OFD1: variants seen among roughly 807,000 people sequenced by gnomAD.
OFD1 encodes the protein OFD1 centriole and centriolar satellite protein.
A neutral mutation model predicts 81.4 loss-of-function variants in OFD1; 12 were observed. The observed-to-expected ratio is 0.15, with a 90% CI of 0.09 to 0.24. The LOEUF (loss-of-function observed/expected upper bound fraction) is 0.24. Ranked by LOEUF, OFD1 falls within the 10% of genes least tolerant of loss-of-function variation. The pLI is 1.00. For synonymous variants in OFD1, 256 were observed against 263.7 expected (o/e 0.97, Z 0.28); for missense variants, 685 against 733.9 (o/e 0.93, Z 0.77).
At chrX:13,762,249 A>T in intron 17 of OFD1, 95 bp from the exon 18 acceptor site, 2 of 570,383 alleles carry the variant, frequency 3.5e-6, no homozygotes, top group Non-Finnish European at 6.2e-6. Context: ...GGAATTTTGT[A>T]GAGCCTTTTC....
the OFD1 span, among the ~76,000 whole-genome samples, chrX:13,725,286 A>C: frequency 1.8e-5 from 2 of 112,890 alleles, no homozygotes; most frequent in Middle Eastern, 4.2e-3. Flanking sequence ...GAACGGACAG[A>C]CTGCCTCCTC....
chrX:13,721,330 C>T, the OFD1 span: 2 of 112,205 alleles, frequency 1.8e-5, no homozygotes, highest in Admixed American at 1.9e-4. Context: ...ACTGTAGCAC[C>T]TTATGGTGCA....
intron 6 of OFD1, among the ~76,000 whole-genome samples, chrX:13,745,722 T>C (rs1311476900): frequency 8.9e-6 from 1 of 112,276 alleles, no homozygotes; most frequent in African/African-American, 3.2e-5. Flanking sequence ...CACTTTGCTA[T>C]GTGGTTGATT....
At chrX:13,733,292 C>T (rs2046719857), upstream of OFD1, among the ~76,000 whole-genome samples, 1 of 111,699 alleles carries the variant, frequency 9.0e-6, no homozygotes, top group Admixed American at 9.5e-5. Flanking sequence ...TCAAGATTCC[C>T]ACATTGCTCC....
the OFD1 span, among the ~76,000 whole-genome samples, chrX:13,724,777 G>A: frequency 3.0e-4 from 34 of 112,678 alleles, no homozygotes; most frequent in Non-Finnish European, 4.1e-4. Context: ...CATGGAGGGC[G>A]AGCTGAAGCA....
At chrX:13,738,215 A>T (rs972376783) in intron 3 of OFD1, among the ~76,000 whole-genome samples, 4 of 112,434 alleles carry the variant, frequency 3.6e-5, no homozygotes, top group African/African-American at 1.3e-4. Context: ...TTATTGTGTA[A>T]TAGTCAATAA....
In OFD1 at chrX:13,763,852, C is replaced by A; in HGVS notation, c.2596C>A (p.Pro866Thr). The A allele has an allele frequency of 7.5e-6, 9 of 1,195,152 alleles. No individual in the cohort carries two copies. Among genetic ancestry groups the A allele is most frequent in the Non-Finnish European group, 1.0e-5 (9 of 880,852 alleles). ...TGCTGTGCCCCTCTCATATCAGCAC[C>A]CAAGTAAGTTCTTTTTTTGAACTAA... Reference protein sequence around the residue: ...AAAVPLSYQHPSVDQKQIEEQ... With the variant: ...AAAVPLSYQHTSVDQKQIEEQ... The change falls in exon 19 of 23, where the codon CCA becomes ACA. Residue 866 changes from proline (P) to threonine (T), a missense_variant. By Grantham distance (38) the Pro-to-Thr change is conservative. Coordinates refer to ENST00000340096, the MANE Select transcript of OFD1 (RefSeq NM_003611.3).
chrX:13,742,663 A>G (rs766205997), intron 5 of OFD1, among the ~76,000 whole-genome samples: 1 of 110,817 alleles, frequency 9.0e-6, no homozygotes, highest in Non-Finnish European at 1.9e-5. Context: ...AGCTGGAACT[A>G]CAGGCGCCTG....
At chrX:13,723,296 T>C in the OFD1 span, among the ~76,000 whole-genome samples, 2 of 110,226 alleles carry the variant, frequency 1.8e-5, no homozygotes, top group Non-Finnish European at 3.8e-5. Context: ...GCCTCTTGAG[T>C]AGCCAGGAGT....
At chrX:13,729,170 G>A in the OFD1 span, among the ~76,000 whole-genome samples, 3 of 111,598 alleles carry the variant, frequency 2.7e-5, no homozygotes, top group South Asian at 7.5e-4. Context: ...TGGCCATACT[G>A]CCCAAGGGTA....
intron 17 of OFD1, among the ~76,000 whole-genome samples, chrX:13,761,898 C>G (rs2047945832): frequency 9.9e-6 from 1 of 100,614 alleles, no homozygotes; most frequent in African/African-American, 3.8e-5. Flanking sequence ...TGTCGTAGTC[C>G]TAAAGCTTTT....
At position 13,755,319 on chromosome X, in the gene OFD1, A is replaced by G. The variant is rs2047661215; in HGVS notation, c.1221+77A>G. 1.3e-5 allele frequency: 9 copies of G among 711,843 alleles called. No individual in the cohort carries two copies. The Admixed American group carries it at 2.2e-4, about 17-fold the overall frequency. The allele number at this position is 711,843 out of a possible 1,213,427, so 58.7% of individuals were successfully genotyped here. On this transcript the variant is annotated intron_variant, in intron 12 of 22. Coordinates refer to ENST00000340096, the MANE Select transcript of OFD1 (RefSeq NM_003611.3). ...ATTTTAGTCATACATAATTTATCCTAAGTCATCCTGTTGAGATGTTTGGAC... is the reference window on the plus strand; with the variant it reads ...ATTTTAGTCATACATAATTTATCCTGAGTCATCCTGTTGAGATGTTTGGAC...
rs1185491379 is a variant in OFD1 at position 13,753,497 on chromosome X, C to T, written c.1129+56C>T. 4.5e-6 allele frequency: 5 copies of T among 1,116,340 alleles called. No individual in the cohort carries two copies. The African/African-American group carries it at 7.2e-5, about 16-fold the overall frequency. 92.0% of individuals were successfully genotyped at this position (1,116,340 alleles called of 1,213,427 possible). A position where few individuals can be genotyped will look rare whatever the true frequency, so the allele number is the denominator to read the frequency against. ...TTTCAGTTCTGCTGTAGGTTATTAG[C>T]TTCCCAAGTTGGGTCTTTTCTATAT... On this transcript the variant is annotated intron_variant, in intron 11 of 22. Transcript: ENST00000340096.
At chrX:13,724,640 G>A in the OFD1 span, among the ~76,000 whole-genome samples, 2 of 111,787 alleles carry the variant, frequency 1.8e-5, no homozygotes, top group Non-Finnish European at 3.8e-5. Context: ...GTTCCAAGAT[G>A]GCCAAATAGG....
chrX:13,763,794 C>T lies in OFD1; in HGVS notation c.2538C>T (p.Ala846=), dbSNP rs201362700. 2.9e-5 allele frequency: 35 copies of T among 1,209,474 alleles called. No individual in the cohort carries two copies. Among genetic ancestry groups the T allele is most frequent in the Non-Finnish European group, 3.6e-5 (32 of 894,987 alleles). The part of the protein sequence containing the change: ...RQLEMGGLSP[A]GDMSHVDAAA... ...TGGAAATGGGCGGGCTTTCTCCTGC[C>T]GGGGATATGTCTCATGTGGACGCTG... The change falls in exon 19 of 23, where the codon GCC becomes GCT. Residue 846 remains alanine (A), a synonymous_variant. Coordinates refer to ENST00000340096, the MANE Select transcript of OFD1 (RefSeq NM_003611.3).
At chrX:13,769,669 G>A (rs2048264902), downstream of OFD1, among the ~76,000 whole-genome samples, 1 of 111,849 alleles carries the variant, frequency 8.9e-6, no homozygotes, top group Non-Finnish European at 1.9e-5. Flanking sequence ...GAATTAAGAG[G>A]TGGCACCTTT....
intron 19 of OFD1, among the ~76,000 whole-genome samples, chrX:13,765,239 A>T (rs1280556959): frequency 1.8e-5 from 2 of 110,266 alleles, no homozygotes; most frequent in South Asian, 8.2e-4. Context: ...CCCCGTGGAC[A>T]TGCTTCCTTC....
At chrX:13,736,938 GATCT>G (rs1400280228) in intron 3 of OFD1, among the ~76,000 whole-genome samples, 1 of 112,318 alleles carries the variant, frequency 8.9e-6, no homozygotes, top group African/African-American at 3.2e-5. Context: ...ACCTATAATT[GATCT>G]ATCTATCCTC....
chrX:13,744,952 ACACT>A (rs1460071543), intron 6 of OFD1, among the ~76,000 whole-genome samples: 7 of 112,053 alleles, frequency 6.2e-5, no homozygotes, highest in African/African-American at 1.9e-4. Context: ...CAACTTGGAA[ACACT>A]CAGTCTGCAT....
Sources: allele counts gnomAD v4.1 joint callset (sites outside exome capture counted in the v4.1 genomes callset), GRCh38; gene constraint gnomAD v4.1.1; transcripts MANE v1.5; gene names NCBI Gene and HGNC (gene_info 2026-07-23, HGNC 2026-07-21).